Variants in FXR1 observed in about 807,000 individuals in gnomAD.
The protein encoded by FXR1 is FMR1 autosomal homolog 1.
A neutral mutation model predicts 84.0 loss-of-function variants in FXR1; 15 were observed. The observed-to-expected ratio is 0.18, with a 90% confidence interval of 0.12 to 0.27. FXR1 has a LOEUF of 0.27. Ranked by LOEUF, FXR1 falls within the 10% of genes least tolerant of loss-of-function variation. The probability of loss-of-function intolerance (pLI) is 1.00; values close to 1 mark genes in which losing one functional copy is unlikely to be tolerated. For synonymous variants in FXR1, 245 were observed against 250.7 expected (o/e 0.98, Z 0.21); for missense variants, 480 against 774.4 (o/e 0.62, Z 4.51).
chr3:180,916,838 A>AT (rs1717952172), intron 1 of FXR1, among the ~76,000 whole-genome samples: 2 of 151,908 alleles, frequency 1.3e-5, no homozygotes, highest in Non-Finnish European at 2.9e-5. Flanking sequence ...GTAGAGTTAC[A>AT]TTTTTTTGTT....
At chr3:180,939,600 C>T (rs1028848932) in intron 3 of FXR1, among the ~76,000 whole-genome samples, 1 of 152,150 alleles carries the variant, frequency 6.6e-6, no homozygotes, top group Non-Finnish European at 1.5e-5. Context: ...GGGAGCTCTA[C>T]CATCATACTT....
In FXR1 at chr3:180,977,096, GTTGT is replaced by G. The variant is rs910113469; in HGVS notation, c.*808_*811del. ...TTTCCTTTTTTTTTTTTTTATTTCG[GTTGT>G]TTGATGTGCAATATGTTTTTGTATG... On this transcript the variant is annotated 3_prime_UTR_variant, in exon 17 of 17. Transcript: ENST00000357559. The G allele has an allele frequency of 6.2e-5, 9 of 145,864 alleles. No homozygotes were observed. In the South Asian group the frequency reaches 6.5e-4, roughly 11 times the overall value. The allele number at this position is 145,864 out of a possible 1,614,324, so 9.0% of individuals were successfully genotyped here.
intron 15 of FXR1, chr3:180,971,166 TG>T: frequency 1.8e-6 from 2 of 1,107,516 alleles, no homozygotes; most frequent in Non-Finnish European, 2.4e-6. Context: ...GTAACTTGAG[TG>T]GACCTGTGGA....
At position 180,953,754 on chromosome 3, in the gene FXR1, A is replaced by G. The variant is rs367676861; in HGVS notation, c.802-8A>G. ...GGATTTCATTTTTACTTTTCCCCTC[A>G]TCTACAGAGTGCTGATGCTGTAAAA... is the stretch of plus-strand genomic sequence containing the variant. On this transcript the variant is annotated splice_region_variant and splice_polypyrimidine_tract_variant and intron_variant, in intron 8 of 16. Transcript: ENST00000357559. The G allele has an allele frequency of 6.9e-7, 1 of 1,440,182 alleles. No homozygotes were observed. The highest frequency in any genetic ancestry group is 1.4e-5 in the African/African-American group (1 of 71,196). 89.2% of individuals were successfully genotyped at this position (1,440,182 alleles called of 1,614,324 possible).
intron 8 of FXR1, 79 bp downstream of exon 8, chr3:180,951,547 G>A: frequency 9.5e-7 from 1 of 1,047,364 alleles, no homozygotes; most frequent in Admixed American, 2.4e-5. Flanking sequence ...TGAAATTCCA[G>A]TTTCCCATGA....
chr3:180,948,208 T>G, intron 4 of FXR1, 139 bp from the exon 5 acceptor site: 2 of 655,616 alleles, frequency 3.1e-6, no homozygotes, highest in Non-Finnish European at 5.3e-6. Context: ...ATCAGATTGA[T>G]GTAGCTAAGC....
intron 2 of FXR1, among the ~76,000 whole-genome samples, chr3:180,934,609 C>T (rs1417523080): frequency 6.6e-6 from 1 of 152,120 alleles, no homozygotes; most frequent in South Asian, 2.1e-4. Flanking sequence ...TTTTGTAATT[C>T]AGCTATTCAA....
At chr3:180,961,844 A>C (rs887682057) in intron 11 of FXR1, among the ~76,000 whole-genome samples, 12 of 152,062 alleles carry the variant, frequency 7.9e-5, no homozygotes, top group African/African-American at 2.9e-4. Flanking sequence ...CTTTGTCTTC[A>C]TGCAATTTGA....
intron 3 of FXR1, among the ~76,000 whole-genome samples, chr3:180,937,100 T>A (rs1289626665): frequency 6.6e-6 from 1 of 152,230 alleles, no homozygotes; most frequent in East Asian, 1.9e-4. Context: ...ATTGTATCTC[T>A]AATAGTTTTC....
At chr3:180,932,097 T>C (rs369450759) in intron 1 of FXR1, among the ~76,000 whole-genome samples, 63 of 48,286 alleles carry the variant, frequency 1.3e-3, no homozygotes, top group African/African-American at 3.7e-3. Context: ...AAAACAACTT[T>C]TTTGTTGTTG....
At chr3:180,971,767 T>C (rs919200403) in intron 15 of FXR1, 2 of 152,678 alleles carry the variant, frequency 1.3e-5, no homozygotes, top group African/African-American at 4.8e-5. Context: ...TCATTAATTT[T>C]TAGTAACTTC....
At chr3:180,932,563 T>A (rs1176601492) in intron 1 of FXR1, among the ~76,000 whole-genome samples, 1 of 152,184 alleles carries the variant, frequency 6.6e-6, no homozygotes, top group African/African-American at 2.4e-5. Context: ...GCTGTATTAA[T>A]CAAAGGAAGA....
intron 11 of FXR1, 90 bp from the exon 12 acceptor site, chr3:180,962,793 C>G (rs998628261): frequency 1.2e-6 from 1 of 828,312 alleles, no homozygotes; most frequent in Non-Finnish European, 2.0e-6. Context: ...AAGGTCACAG[C>G]TTTGATAGGG....
intron 1 of FXR1, among the ~76,000 whole-genome samples, chr3:180,913,120 C>T (rs1421384375): frequency 6.6e-6 from 1 of 151,872 alleles, no homozygotes; most frequent in Non-Finnish European, 1.5e-5. Context: ...TGGTCTCACC[C>T]GCTCCCCCGC....
rs2108502124 is a variant in FXR1, at chr3:180,978,759, C to CAT, written c.*2474_*2475dup. 1 of 152,082 alleles carries CAT rather than the reference C, an allele frequency of 6.6e-6. No homozygotes were observed. The highest frequency in any genetic ancestry group is 2.4e-5 in the African/African-American group (1 of 41,510). The allele number at this position is 152,082 out of a possible 1,614,324, so 9.4% of individuals were successfully genotyped here. ...TTGTGCAGTTGCAACAATGTTTCAG[C>CAT]ATATATATGTGAATTCATATATGAC... On this transcript the variant is annotated 3_prime_UTR_variant, in exon 17 of 17. Transcript: ENST00000357559.
chr3:180,961,593 T>A, intron 11 of FXR1, 39 bp downstream of exon 11: 1 of 901,080 alleles, frequency 1.1e-6, no homozygotes, highest in Non-Finnish European at 1.8e-6. Flanking sequence ...ATATTGTTGC[T>A]GCATTTACTA....
chr3:180,938,898 TTA>T (rs1322932772), intron 3 of FXR1, among the ~76,000 whole-genome samples: 1 of 151,866 alleles, frequency 6.6e-6, no homozygotes, highest in African/African-American at 2.4e-5. Flanking sequence ...TTTTTATTTT[TTA>T]TTTTTTATTT....
intron 10 of FXR1, among the ~76,000 whole-genome samples, chr3:180,959,888 A>G (rs1441872356): frequency 6.6e-6 from 1 of 152,192 alleles, no homozygotes; most frequent in African/African-American, 2.4e-5. Context: ...CTTAAAAATT[A>G]CTTTGAAAAT....
chr3:180,930,033 A>T (rs369249491), intron 1 of FXR1, among the ~76,000 whole-genome samples: 2 of 152,254 alleles, frequency 1.3e-5, no homozygotes, highest in East Asian at 3.9e-4. Context: ...TGGGAAGCCA[A>T]GGTGGGCGGA....
Sources: gnomAD v4.1 joint callset for allele counts (sites outside exome capture counted in the v4.1 genomes callset) on GRCh38, gnomAD v4.1.1 for gene constraint, MANE v1.5 for transcripts, NCBI Gene and HGNC (gene_info 2026-07-23, HGNC 2026-07-21) for gene names.